C6: variants seen among roughly 807,000 people sequenced by gnomAD.
C6 encodes the protein complement C6.
In C6, 101 loss-of-function variants were observed where a neutral mutation model predicts 112.9. The ratio of observed to expected loss-of-function variants is 0.89; its 90% CI spans 0.76 to 1.06. The LOEUF (loss-of-function observed/expected upper bound fraction) is 1.06. Ranked by LOEUF, C6 falls within the 50% of genes least tolerant of loss-of-function variation. The pLI is 0.00. For synonymous variants in C6, 431 were observed against 384.1 expected (o/e 1.12, Z -1.43); for missense variants, 1,202 against 1,104.6 (o/e 1.09, Z -1.25).
At chr5:41,216,061 C>T (rs979339130), upstream of C6, among the ~76,000 whole-genome samples, 1 of 152,064 alleles carries the variant, frequency 6.6e-6, no homozygotes, top group Admixed American at 6.6e-5. Context: ...ATTGGGGGAT[C>T]ATAGATCAAA....
intron 1 of C6, among the ~76,000 whole-genome samples, chr5:41,239,111 CT>C (rs34322889): frequency 0.012 from 1,480 of 121,592 alleles, 11 homozygotes; most frequent in African/African-American, 0.039. Context: ...TCTTTTCTTT[CT>C]TTTTTTTTTT....
Position 41,172,267 on chromosome 5 carries a change from C to T in C6, c.1249G>A (p.Glu417Lys), listed in dbSNP as rs1748484515. Residue 417 changes from glutamate to lysine, a missense_variant, in exon 9 of 18, where the codon GAA becomes AAA. By Grantham distance (56) the Glu-to-Lys change is moderately conservative. Transcript: ENST00000337836. ...RVLFAKKTKV[E>K]HRCTTNKLSE... ...AGCTTGTTGGTGGTGCACCTATGTTCCACTTTTGTTTTCTTAGCAAATAAA... is the reference window on the plus strand; with the variant it reads ...AGCTTGTTGGTGGTGCACCTATGTTTCACTTTTGTTTTCTTAGCAAATAAA... 2 of 1,613,752 alleles carry T rather than the reference C, an allele frequency of 1.2e-6. No individual in the cohort carries two copies. Among genetic ancestry groups the T allele is most frequent in the South Asian group, 1.1e-5 (1 of 91,086 alleles).
chr5:41,256,536 G>A (rs1682464886), intron 1 of C6, among the ~76,000 whole-genome samples: 1 of 150,634 alleles, frequency 6.6e-6, no homozygotes, highest in African/African-American at 2.4e-5. Context: ...CACCTTTTCA[G>A]TTACTGAAAT....
At chr5:41,145,946 T>C (rs1025531511) in intron 17 of C6, among the ~76,000 whole-genome samples, 7 of 152,220 alleles carry the variant, frequency 4.6e-5, no homozygotes, top group Admixed American at 3.9e-4. Flanking sequence ...CCACCTCTAC[T>C]AATTCATCCT....
chr5:41,230,671 A>G (rs1476211386), intron 1 of C6, among the ~76,000 whole-genome samples: 1 of 152,074 alleles, frequency 6.6e-6, no homozygotes, highest in Non-Finnish European at 1.5e-5. Context: ...GAAGCATATG[A>G]TCCTTGTGAC....
intron 6 of C6, 50 bp from the exon 7 acceptor site, chr5:41,181,609 C>T (rs376661969): frequency 1.3e-5 from 18 of 1,402,752 alleles, no homozygotes; most frequent in East Asian, 4.8e-5. Flanking sequence ...AATACTGGAG[C>T]GACTTGTGGA....
chr5:41,155,820 T>C (rs1391626265), intron 13 of C6, among the ~76,000 whole-genome samples: 4 of 152,068 alleles, frequency 2.6e-5, no homozygotes, highest in Non-Finnish European at 5.9e-5. Context: ...GATGTCCTAC[T>C]ATTGCTAGAA....
chr5:41,160,362 G>A lies in C6; in HGVS notation c.1464C>T (p.Ala488=), dbSNP rs1245729443. ...ENPAVIDFEL[A]PIVDLVRNIP... ...TGTTTCTTACCAAGTCCACGATGGG[G>A]GCAAGCTAGGAGAAAATGGGAGAGA... Residue 488 remains alanine, a synonymous_variant, in exon 11 of 18, where the codon GCC becomes GCT. Transcript: ENST00000337836. The A allele has an allele frequency of 6.2e-7, 1 of 1,613,108 alleles. No homozygotes were observed. Among genetic ancestry groups the A allele is most frequent in the East Asian group, 2.2e-5 (1 of 44,852 alleles).
intron 1 of C6, among the ~76,000 whole-genome samples, chr5:41,257,811 C>T (rs1363883): frequency 0.66 from 100,919 of 151,888 alleles, 33,762 homozygotes; most frequent in South Asian, 0.72. Context: ...AAGATTCCAC[C>T]GACATATTCC....
At chr5:41,195,289 T>G (rs562617368) in intron 5 of C6, among the ~76,000 whole-genome samples, 1 of 152,220 alleles carries the variant, frequency 6.6e-6, no homozygotes, top group Non-Finnish European at 1.5e-5. Flanking sequence ...TCGCTCATTA[T>G]TTGACTCTGG....
chr5:41,231,385 C>A (rs930864251), intron 1 of C6, among the ~76,000 whole-genome samples: 9 of 152,076 alleles, frequency 5.9e-5, no homozygotes, highest in Non-Finnish European at 1.3e-4. Context: ...TACCATGAAG[C>A]TCACAGAATT....
At chr5:41,205,462 C>T (rs879785069) in intron 1 of C6, among the ~76,000 whole-genome samples, 91 of 152,212 alleles carry the variant, frequency 6.0e-4, no homozygotes, top group Non-Finnish European at 1.2e-3. Flanking sequence ...GGGGAATTCC[C>T]TTTCCTAGCC....
At chr5:41,231,507 T>C (rs1204871487) in intron 1 of C6, among the ~76,000 whole-genome samples, 1 of 152,134 alleles carries the variant, frequency 6.6e-6, no homozygotes, top group Non-Finnish European at 1.5e-5. Flanking sequence ...CACTTTTGCT[T>C]CTTCCATTAT....
chr5:41,172,992 T>G (rs991728304), intron 8 of C6, among the ~76,000 whole-genome samples: 2 of 152,184 alleles, frequency 1.3e-5, no homozygotes, highest in Admixed American at 1.3e-4. Flanking sequence ...TCTGACTTCC[T>G]GACCTATGAA....
At chr5:41,161,944 A>G in intron 9 of C6, 85 bp from the exon 10 acceptor site, 1 of 1,318,476 alleles carries the variant, frequency 7.6e-7, no homozygotes, top group Non-Finnish European at 1.1e-6. Flanking sequence ...CTATTTGTAC[A>G]GAAGGGAGAA....
At chr5:41,238,366 G>T (rs1349370405) in intron 1 of C6, among the ~76,000 whole-genome samples, 1 of 151,524 alleles carries the variant, frequency 6.6e-6, no homozygotes, top group Non-Finnish European at 1.5e-5. Flanking sequence ...GCATGGTACT[G>T]GTACCAAAAC....
In C6 at chr5:41,149,259, C is replaced by A. The variant is rs115220610; in HGVS notation, c.2605G>T (p.Asp869Tyr). 1.2e-6 allele frequency: 2 copies of A among 1,614,028 alleles called. No homozygotes were observed. The highest frequency in any genetic ancestry group is 1.7e-6 in the Non-Finnish European group (2 of 1,179,950). The change falls in exon 17 of 18, where the codon GAC becomes TAC. Residue 869 changes from aspartate to tyrosine, a missense_variant. Physicochemically the swap from Asp to Tyr is radical, Grantham distance 160 (BLOSUM62 -3). Coordinates refer to ENST00000337836, the MANE Select transcript of C6 (RefSeq NM_000065.5). ...AACTTACCTGAACATTTTTCCCAGT[C>A]ATAGCAGGTGTCATAGCCACAGGAT... ...KESCGYDTCY[D>Y]WEKCSASTSK... is the part of the protein sequence containing the mutation.
intron 15 of C6, among the ~76,000 whole-genome samples, chr5:41,150,626 C>T (rs114937657): frequency 1.3e-4 from 20 of 152,252 alleles, no homozygotes; most frequent in Non-Finnish European, 2.5e-4. Context: ...TAGTGGCTCA[C>T]GCTTGTAATC....
At chr5:41,252,046 CAT>C (rs1489170666) in intron 1 of C6, among the ~76,000 whole-genome samples, 4 of 152,170 alleles carry the variant, frequency 2.6e-5, no homozygotes, top group Non-Finnish European at 2.9e-5. Flanking sequence ...GCTTGGGCCA[CAT>C]GTGTGTACAC....
Sources: allele counts gnomAD v4.1 joint callset (sites outside exome capture counted in the v4.1 genomes callset), GRCh38; gene constraint gnomAD v4.1.1; transcripts MANE v1.5; gene names NCBI Gene and HGNC (gene_info 2026-07-23, HGNC 2026-07-21).